Variants in KIF6 observed in about 807,000 individuals in gnomAD.
KIF6 encodes the protein kinesin-like protein KIF6.
Under a neutral mutation model 112.7 loss-of-function variants are expected in KIF6, and 106 were observed. The ratio of observed to expected loss-of-function variants is 0.94; its 90% CI spans 0.80 to 1.11. The LOEUF is 1.11. Among genes scored for constraint, KIF6 ranks in the 50% least tolerant of loss-of-function variants. The probability of loss-of-function intolerance (pLI) is 0.00; values close to 1 mark genes in which losing one functional copy is unlikely to be tolerated. For synonymous variants in KIF6, 339 were observed against 339.9 expected, an observed-to-expected ratio of 1.00 and a Z score of 0.03; for missense variants, 929 against 964.0, an observed-to-expected ratio of 0.96 and a Z score of 0.48.
intron 3 of KIF6, among the ~76,000 whole-genome samples, chr6:39,711,911 C>T (rs999031833): frequency 2.0e-5 from 3 of 151,936 alleles, no homozygotes; most frequent in African/African-American, 7.3e-5. Flanking sequence ...GAGAGCAAGA[C>T]AGAGACAGAG....
intron 5 of KIF6, among the ~76,000 whole-genome samples, chr6:39,622,950 G>A (rs1471776446): frequency 6.6e-6 from 1 of 152,310 alleles, no homozygotes; most frequent in East Asian, 1.9e-4. Context: ...TTAAGGTGCG[G>A]TGGTGTGGGA....
chr6:39,391,448 T>C (rs548731074), intron 15 of KIF6, among the ~76,000 whole-genome samples: 40 of 152,264 alleles, frequency 2.6e-4, no homozygotes, highest in African/African-American at 9.4e-4. Context: ...GGAAGAAACG[T>C]ACAAACTCAG....
At chr6:39,546,825 C>CAAAA (rs35366749) in intron 10 of KIF6, among the ~76,000 whole-genome samples, 1 of 104,090 alleles carries the variant, frequency 9.6e-6, no homozygotes, top group Non-Finnish European at 2.1e-5. Flanking sequence ...GACCCTGTCT[C>CAAAA]AAAAAAAAAA....
chr6:39,583,177 A>C (rs1001665658), intron 9 of KIF6: 1 of 261,402 alleles, frequency 3.8e-6, no homozygotes, highest in Admixed American at 4.1e-5. Flanking sequence ...AAACCCTCCA[A>C]TGTCTAATAT....
At chr6:39,580,043 C>T (rs893671043) in intron 9 of KIF6, among the ~76,000 whole-genome samples, 7 of 151,918 alleles carry the variant, frequency 4.6e-5, no homozygotes, top group Non-Finnish European at 7.4e-5. Flanking sequence ...CTACCAAAGG[C>T]TCTCCTCAAA....
At chr6:39,526,021 A>G (rs1777706088) in intron 13 of KIF6, among the ~76,000 whole-genome samples, 1 of 152,152 alleles carries the variant, frequency 6.6e-6, no homozygotes, top group Non-Finnish European at 1.5e-5. Context: ...ATAACACAAT[A>G]CAAGCAACTC....
At chr6:39,400,910 C>T (rs1768650085) in intron 15 of KIF6, among the ~76,000 whole-genome samples, 1 of 152,164 alleles carries the variant, frequency 6.6e-6, no homozygotes, top group Non-Finnish European at 1.5e-5. Flanking sequence ...CCACAGAAAT[C>T]ACAGGAATCT....
intron 3 of KIF6, among the ~76,000 whole-genome samples, chr6:39,655,535 T>C (rs996749521): frequency 4.6e-5 from 7 of 152,148 alleles, no homozygotes; most frequent in African/African-American, 1.4e-4. Flanking sequence ...ACATGATAAA[T>C]GTGTTTTCTG....
chr6:39,437,034 G>GT (rs1228789862), intron 13 of KIF6, among the ~76,000 whole-genome samples: 1 of 147,768 alleles, frequency 6.8e-6, no homozygotes, highest in Non-Finnish European at 1.5e-5. Flanking sequence ...TGTCATCTAT[G>GT]TTTTTTTTCA....
intron 13 of KIF6, among the ~76,000 whole-genome samples, chr6:39,501,183 T>C (rs1776114303): frequency 6.6e-6 from 1 of 151,928 alleles, no homozygotes; most frequent in African/African-American, 2.4e-5. Flanking sequence ...TACCTCCAGG[T>C]ATGGGAAGAA....
chr6:39,542,190 C>A (rs914218243), intron 12 of KIF6, among the ~76,000 whole-genome samples: 2 of 152,210 alleles, frequency 1.3e-5, no homozygotes, highest in Middle Eastern at 3.4e-3. Context: ...AATAATGATG[C>A]GTTCTGATGT....
chr6:39,696,622 A>ATGTG (rs137978175), intron 3 of KIF6, among the ~76,000 whole-genome samples: 11 of 151,208 alleles, frequency 7.3e-5, no homozygotes, highest in African/African-American at 2.7e-4. Flanking sequence ...TTCAACTAGA[A>ATGTG]TGTGTGTGTG....
chr6:39,499,691 C>T (rs1776007702), intron 13 of KIF6, among the ~76,000 whole-genome samples: 1 of 152,132 alleles, frequency 6.6e-6, no homozygotes, highest in Non-Finnish European at 1.5e-5. Context: ...GCACATCCTC[C>T]CTTCCCCCTT....
At chr6:39,558,821 T>C (rs1339953343) in intron 10 of KIF6, among the ~76,000 whole-genome samples, 1 of 152,180 alleles carries the variant, frequency 6.6e-6, no homozygotes, top group East Asian at 1.9e-4. Flanking sequence ...GCTTTTGCTT[T>C]TCATTCATTT....
chr6:39,672,137 C>T (rs565929237), intron 3 of KIF6, among the ~76,000 whole-genome samples: 109 of 152,260 alleles, frequency 7.2e-4, no homozygotes, highest in African/African-American at 2.5e-3. Flanking sequence ...ACCAGAAATA[C>T]GGTGTAGGAA....
Position 39,385,651 on chromosome 6 carries a change from G to A in KIF6, c.1832C>T (p.Thr611Ile). 2.5e-6 allele frequency: 4 copies of A among 1,613,388 alleles called. No individual in the cohort carries two copies. The highest frequency in any genetic ancestry group is 3.4e-6 in the Non-Finnish European group (4 of 1,179,608). ...GGCTACTTGCTGTATATGCCGCTGG[G>A]TGATTTCTTCCTTCAGGTGACCTGC... The part of the protein sequence containing the change: ...SKIGHLKEEI[T>I]QRHIQQVALG... Residue 611 changes from threonine to isoleucine, a missense_variant, in exon 16 of 23, where the codon ACC becomes ATC. By Grantham distance (89) the Thr-to-Ile change is moderately conservative. This residue lies in a region of KIF6 where 241 missense variants were observed against 301.4 expected (regional missense o/e 0.80). Transcript: ENST00000287152.
chr6:39,350,350 T>C (rs1267687426), intron 19 of KIF6, among the ~76,000 whole-genome samples: 1 of 152,066 alleles, frequency 6.6e-6, no homozygotes, highest in African/African-American at 2.4e-5. Context: ...TAAACACAAC[T>C]GCTGTGAGGA....
At chr6:39,715,376 T>C (rs1183892498) in intron 2 of KIF6, among the ~76,000 whole-genome samples, 1 of 152,158 alleles carries the variant, frequency 6.6e-6, no homozygotes, top group Non-Finnish European at 1.5e-5. Context: ...TTAATCAGAT[T>C]GGCAATGGCT....
chr6:39,696,552 T>C (rs146060433), intron 3 of KIF6, among the ~76,000 whole-genome samples: 1,685 of 152,260 alleles, frequency 0.011, 13 homozygotes, highest in Non-Finnish European at 0.02. Context: ...TAAGTGGTTA[T>C]GACTTTAAGT....
Sources: gnomAD v4.1 joint callset for allele counts (sites outside exome capture counted in the v4.1 genomes callset) on GRCh38, gnomAD v4.1.1 for gene constraint, gnomAD v4.1.1 regional missense constraint, MANE v1.5 for transcripts, NCBI Gene and HGNC (gene_info 2026-07-23, HGNC 2026-07-21) for gene names.